CDH7: variants seen among roughly 807,000 people sequenced by gnomAD.
CDH7 encodes the protein cadherin-7.
CDH7 carries 25 observed loss-of-function variants against 71.8 expected under a neutral mutation model. The observed-to-expected ratio is 0.35, with a 90% CI of 0.25 to 0.49. The LOEUF (loss-of-function observed/expected upper bound fraction) is 0.49, where lower values mean the gene tolerates loss of function less well. Ranked by LOEUF, CDH7 falls within the 20% of genes least tolerant of loss-of-function variation. CDH7 has a pLI of 0.99. For missense variants in CDH7, 862 were observed against 974.6 expected (o/e 0.88, Z 1.54); for synonymous variants, 381 against 363.8 (o/e 1.05, Z -0.54).
intron 1 of CDH7, among the ~76,000 whole-genome samples, chr18:65,759,856 A>G (rs1299026830): frequency 6.6e-6 from 1 of 152,128 alleles, no homozygotes; most frequent in Non-Finnish European, 1.5e-5. Flanking sequence ...AAATTTCTCC[A>G]GCTCTGATAT....
chr18:65,843,511 G>A (rs955515154), intron 6 of CDH7, among the ~76,000 whole-genome samples: 1 of 151,874 alleles, frequency 6.6e-6, no homozygotes, highest in African/African-American at 2.4e-5. Flanking sequence ...GTCCCTGTTG[G>A]AAAAAAAATA....
chr18:65,835,642 G>A (rs1191889140), intron 6 of CDH7, among the ~76,000 whole-genome samples: 2 of 152,146 alleles, frequency 1.3e-5, no homozygotes, highest in Non-Finnish European at 2.9e-5. Flanking sequence ...GTGCATGCTG[G>A]AAAATGTTGA....
intron 11 of CDH7, among the ~76,000 whole-genome samples, chr18:65,873,465 G>T (rs1913984531): frequency 6.6e-6 from 1 of 152,234 alleles, no homozygotes. Flanking sequence ...TGAAATAAAT[G>T]CTAATAATAT....
intron 7 of CDH7, among the ~76,000 whole-genome samples, chr18:65,854,022 T>C (rs1564814): frequency 0.77 from 111,775 of 144,688 alleles, 43,365 homozygotes; most frequent in East Asian, 0.93. Context: ...AGAAGGGGTC[T>C]GGGCGTGGTG....
intron 2 of CDH7, among the ~76,000 whole-genome samples, chr18:65,780,905 T>C (rs1910156718): frequency 1.4e-5 from 2 of 146,692 alleles, no homozygotes; most frequent in African/African-American, 5.2e-5. Flanking sequence ...CTTGTTTGCC[T>C]CTCTCTATTC....
At chr18:65,831,527 G>A (rs1291884016) in intron 6 of CDH7, among the ~76,000 whole-genome samples, 1 of 152,136 alleles carries the variant, frequency 6.6e-6, no homozygotes, top group African/African-American at 2.4e-5. Flanking sequence ...TTGTTCTTAA[G>A]ATTTCCTCAG....
At chr18:65,831,199 G>A (rs1342678316) in intron 6 of CDH7, among the ~76,000 whole-genome samples, 1 of 152,068 alleles carries the variant, frequency 6.6e-6, no homozygotes, top group African/African-American at 2.4e-5. Flanking sequence ...TACAAAACAA[G>A]TTAAAAATCA....
chr18:65,753,039 T>A (rs1194681685), intron 1 of CDH7, among the ~76,000 whole-genome samples: 5 of 152,170 alleles, frequency 3.3e-5, no homozygotes, highest in Non-Finnish European at 2.9e-5. Flanking sequence ...AGCATCTATA[T>A]TACTGCAATT....
chr18:65,761,913 T>A (rs901927744), intron 1 of CDH7, among the ~76,000 whole-genome samples: 3 of 152,220 alleles, frequency 2.0e-5, no homozygotes, highest in Non-Finnish European at 4.4e-5. Context: ...AATGTTTATG[T>A]AGGGAGGCCC....
chr18:65,774,393 A>C (rs901692049), intron 2 of CDH7, among the ~76,000 whole-genome samples: 12 of 152,034 alleles, frequency 7.9e-5, no homozygotes, highest in Non-Finnish European at 1.8e-4. Flanking sequence ...GAAACCCAAT[A>C]TCTCTTCTTT....
intron 1 of CDH7, among the ~76,000 whole-genome samples, chr18:65,754,462 A>C (rs553932123): frequency 1.3e-4 from 20 of 152,342 alleles, no homozygotes; most frequent in African/African-American, 4.3e-4. Context: ...AGCCTCACTA[A>C]TTAAAATGTA....
At chr18:65,871,522 G>T (rs1913926548) in intron 11 of CDH7, among the ~76,000 whole-genome samples, 1 of 152,102 alleles carries the variant, frequency 6.6e-6, no homozygotes, top group African/African-American at 2.4e-5. Flanking sequence ...TGGTTACAGT[G>T]AGTAGGAAGA....
intron 11 of CDH7, among the ~76,000 whole-genome samples, chr18:65,877,243 C>G (rs980381553): frequency 2.6e-5 from 4 of 152,036 alleles, no homozygotes; most frequent in Non-Finnish European, 4.4e-5. Flanking sequence ...AACTGCATAA[C>G]ACATTAATAT....
chr18:65,752,004 A>G (rs1039462247), intron 1 of CDH7, among the ~76,000 whole-genome samples: 1 of 152,254 alleles, frequency 6.6e-6, no homozygotes, highest in Admixed American at 6.5e-5. Context: ...ATGGCAAACT[A>G]TTGAGAAACC....
chr18:65,809,523 C>A (rs1366764878), intron 2 of CDH7, among the ~76,000 whole-genome samples, 181 bp from the exon 3 acceptor site: 1 of 152,162 alleles, frequency 6.6e-6, no homozygotes, highest in East Asian at 1.9e-4. Context: ...TTGTCTTGCT[C>A]ACATGTACAA....
At chr18:65,848,258 T>G (rs962883226) in intron 7 of CDH7, among the ~76,000 whole-genome samples, 1 of 152,156 alleles carries the variant, frequency 6.6e-6, no homozygotes, top group African/African-American at 2.4e-5. Flanking sequence ...ATTGGCAGAC[T>G]GATCAATGAC....
rs1913622220 is a variant in CDH7 at position 65,862,837 on chromosome 18, A to G, written c.1784A>G (p.Asn595Ser). Residue 595 changes from asparagine (N) to serine (S), a missense_variant, in exon 11 of 12, where the codon AAT becomes AGT. Physicochemically the swap from Asn to Ser is conservative, Grantham distance 46 (BLOSUM62 1). Transcript: ENST00000397968. Reference protein sequence around the residue: ...CDADGVAQTCNAEAYVLPAGL... With the variant: ...CDADGVAQTCSAEAYVLPAGL... Reference sequence around the variant, plus strand: ...GCTGACGGCGTAGCCCAGACCTGCAATGCAGAGGCCTATGTCCTACCTGCT... The same window carrying G: ...GCTGACGGCGTAGCCCAGACCTGCAGTGCAGAGGCCTATGTCCTACCTGCT... The G allele has an allele frequency of 1.2e-6, 2 of 1,614,154 alleles. No homozygotes were observed. The highest frequency in any genetic ancestry group is 1.7e-6 in the Non-Finnish European group (2 of 1,179,994).
chr18:65,766,820 T>G (rs1916383689), intron 2 of CDH7, among the ~76,000 whole-genome samples: 1 of 147,956 alleles, frequency 6.8e-6, no homozygotes, highest in Non-Finnish European at 1.5e-5. Flanking sequence ...TCGCACTGCA[T>G]TTCTTCAGCC....
chr18:65,871,461 C>A (rs982868793), intron 11 of CDH7, among the ~76,000 whole-genome samples: 4 of 152,050 alleles, frequency 2.6e-5, no homozygotes, highest in African/African-American at 9.7e-5. Context: ...AGATGAGGTC[C>A]TTAAATAGGC....
Sources: allele counts gnomAD v4.1 joint callset (sites outside exome capture counted in the v4.1 genomes callset), GRCh38; gene constraint gnomAD v4.1.1; transcripts MANE v1.5; gene names NCBI Gene and HGNC (gene_info 2026-07-23, HGNC 2026-07-21).